Variants in METTL15 observed in about 807,000 individuals in gnomAD.
METTL15 encodes the protein 12S rRNA N(4)-cytidine methyltransferase METTL15.
Under a neutral mutation model 38.3 loss-of-function variants are expected in METTL15, and 34 were observed. That is an observed-to-expected ratio of 0.89 (90% CI 0.68 to 1.18). The LOEUF (loss-of-function observed/expected upper bound fraction) is 1.18. Ranked by LOEUF, METTL15 falls within the 50% of genes most tolerant of loss-of-function variation. The pLI is 0.00. For missense variants in METTL15, 438 were observed against 498.4 expected, an observed-to-expected ratio of 0.88 and a Z score of 1.15; for synonymous variants, 162 against 170.9, an observed-to-expected ratio of 0.95 and a Z score of 0.41.
At chr11:28,115,371 G>T (rs1173817373) in intron 3 of METTL15, among the ~76,000 whole-genome samples, 1 of 151,186 alleles carries the variant, frequency 6.6e-6, no homozygotes, top group African/African-American at 2.4e-5. Context: ...TGATTCTCCT[G>T]CCTCAGCCTC....
In METTL15 at chr11:28,218,320, A is replaced by G. The variant is rs1242582645; in HGVS notation, c.407+7122A>G. On this transcript the variant is annotated intron_variant, in intron 4 of 6. Transcript: ENST00000407364. ...TAGGTGTGTTATTCTCTTTGAAGCA[A>G]TTGTGAATGGGAGTTCACTCATGAT... is the stretch of plus-strand genomic sequence containing the variant. Among the ~76,000 whole-genome samples the G allele has an allele frequency of 2.6e-5, 4 of 152,124 alleles. No homozygotes were observed. The East Asian group carries it at 5.8e-4, about 22-fold the overall frequency.
chr11:28,232,250 C>G (rs1853716542), intron 4 of METTL15, among the ~76,000 whole-genome samples: 1 of 151,776 alleles, frequency 6.6e-6, no homozygotes, highest in Admixed American at 6.6e-5. Flanking sequence ...TTCCAGTGGG[C>G]TCAAAATCCT....
chr11:28,375,005 A>G (rs1032523658), intron 5 of METTL15, among the ~76,000 whole-genome samples: 106 of 150,918 alleles, frequency 7.0e-4, no homozygotes, highest in African/African-American at 2.4e-3. Context: ...CTTGCATCCC[A>G]GGGATGAAGC....
chr11:28,235,568 A>G (rs1158403374), intron 4 of METTL15, among the ~76,000 whole-genome samples: 7 of 152,130 alleles, frequency 4.6e-5, no homozygotes, highest in Non-Finnish European at 8.8e-5. Flanking sequence ...CTTTGAAGCA[A>G]TTGTGATTGG....
intron 4 of METTL15, among the ~76,000 whole-genome samples, chr11:28,232,907 C>A (rs149290368): frequency 2.0e-4 from 30 of 152,060 alleles, no homozygotes; most frequent in African/African-American, 7.2e-4. Context: ...CAGGGCTTGA[C>A]CCATTTTTTT....
At chr11:28,429,398 C>T (rs1300688595) in intron 6 of METTL15, among the ~76,000 whole-genome samples, 38 of 58,522 alleles carry the variant, frequency 6.5e-4, no homozygotes, top group Non-Finnish European at 4.9e-4. Flanking sequence ...CCTCTCCCCA[C>T]GGTCTCCCTC....
intron 5 of METTL15, among the ~76,000 whole-genome samples, chr11:28,381,801 A>T (rs555606922): frequency 1.0e-3 from 152 of 152,234 alleles, no homozygotes; most frequent in Non-Finnish European, 2.0e-3. Context: ...CTTCCTTAAA[A>T]CTGGTATTTT....
intron 4 of METTL15, among the ~76,000 whole-genome samples, chr11:28,277,084 AAAG>A (rs1310938083): frequency 6.6e-6 from 1 of 152,216 alleles, no homozygotes; most frequent in African/African-American, 2.4e-5. Context: ...CTGCATAGCA[AAAG>A]AAATAATCAA....
intron 6 of METTL15, among the ~76,000 whole-genome samples, chr11:28,518,783 A>G (rs1422295884): frequency 6.6e-6 from 1 of 152,256 alleles, no homozygotes; most frequent in African/African-American, 2.4e-5. Flanking sequence ...GAAGCCCCCC[A>G]GAAGGGCTCC....
chr11:28,113,614 ATTT>A lies in METTL15; in HGVS notation c.270+13_270+15del. ...ACCACAAAAAGGACAGGTGAGTTGAATTTTTATTTTTTAGCAAGTTTTTGTTGA... is the reference window on the plus strand; with the variant it reads ...ACCACAAAAAGGACAGGTGAGTTGAATTATTTTTTAGCAAGTTTTTGTTGA... On this transcript the variant is annotated intron_variant, in intron 3 of 6. Transcript: ENST00000407364. 6.3e-7 allele frequency: 1 copy of A among 1,596,394 alleles called. No homozygotes were observed. Among genetic ancestry groups the A allele is most frequent in the South Asian group, 1.1e-5 (1 of 88,480 alleles).
chr11:28,345,111 C>T (rs1849985239), intron 3 of METTL15, among the ~76,000 whole-genome samples: 1 of 152,110 alleles, frequency 6.6e-6, no homozygotes, highest in Admixed American at 6.6e-5. Flanking sequence ...ATCCATTTTT[C>T]ACCTTTTAAA....
intron 5 of METTL15, among the ~76,000 whole-genome samples, chr11:28,363,391 T>C (rs961940457): frequency 1.3e-5 from 2 of 152,100 alleles, no homozygotes; most frequent in Non-Finnish European, 2.9e-5. Context: ...GCCAGGCTGG[T>C]CTTGAACTCC....
intron 4 of METTL15, among the ~76,000 whole-genome samples, chr11:28,239,570 CCTT>C (rs1331317051): frequency 6.6e-6 from 1 of 152,154 alleles, no homozygotes; most frequent in Non-Finnish European, 1.5e-5. Context: ...GACAAGTTAT[CCTT>C]CTTAAAAGCA....
chr11:28,117,493 G>A (rs1180142167), intron 3 of METTL15, among the ~76,000 whole-genome samples: 2 of 151,884 alleles, frequency 1.3e-5, no homozygotes, highest in African/African-American at 2.4e-5. Flanking sequence ...TAGCAAATCA[G>A]TATTGTATCC....
intron 4 of METTL15, among the ~76,000 whole-genome samples, chr11:28,237,373 C>G (rs1470784882): frequency 6.6e-6 from 1 of 152,176 alleles, no homozygotes; most frequent in Admixed American, 6.5e-5. Context: ...CACTGATACC[C>G]TTTCTTCCAA....
At chr11:28,277,548 A>T (rs1171272648) in intron 4 of METTL15, among the ~76,000 whole-genome samples, 2 of 152,210 alleles carry the variant, frequency 1.3e-5, no homozygotes, top group Non-Finnish European at 2.9e-5. Flanking sequence ...ACATACAAAA[A>T]TTAGCAGGGC....
intron 6 of METTL15, among the ~76,000 whole-genome samples, chr11:28,302,825 ATTCT>A (rs1423144450): frequency 6.6e-6 from 1 of 152,168 alleles, no homozygotes; most frequent in African/African-American, 2.4e-5. Context: ...TTCCCATCTT[ATTCT>A]TTAAGAATGC....
At chr11:28,484,783 A>C (rs1169204476) in intron 6 of METTL15, among the ~76,000 whole-genome samples, 1 of 152,162 alleles carries the variant, frequency 6.6e-6, no homozygotes, top group Non-Finnish European at 1.5e-5. Flanking sequence ...GGAGACACAG[A>C]AGGTGAGACT....
At chr11:28,509,066 T>G (rs1054556127) in intron 6 of METTL15, among the ~76,000 whole-genome samples, 2 of 152,206 alleles carry the variant, frequency 1.3e-5, no homozygotes, top group African/African-American at 4.8e-5. Context: ...ACCTTTTCAT[T>G]GACGATAATG....
Sources: gnomAD v4.1 joint callset for allele counts (sites outside exome capture counted in the v4.1 genomes callset) on GRCh38, gnomAD v4.1.1 for gene constraint, MANE v1.5 for transcripts, NCBI Gene and HGNC (gene_info 2026-07-23, HGNC 2026-07-21) for gene names.